Variants in ITGA2 observed in about 807,000 individuals in gnomAD.
The protein encoded by ITGA2 is integrin subunit alpha 2.
ITGA2 carries 101 observed loss-of-function variants against 146.3 expected under a neutral mutation model. The ratio of observed to expected loss-of-function variants is 0.69; its 90% CI spans 0.59 to 0.81. ITGA2 has a LOEUF of 0.81. ITGA2 is among the 40% of genes least tolerant of loss of function. The pLI is 0.00. For synonymous variants in ITGA2, 477 were observed against 487.1 expected (o/e 0.98, Z 0.27); for missense variants, 1,281 against 1,402.7 (o/e 0.91, Z 1.39).
Position 53,091,002 on chromosome 5 carries a change from AAC to A in ITGA2, c.*404_*405del. Reference sequence around the variant, plus strand: ...TTTAAAATATTTGTCTTTAAACAGCAACTACAGAAGTGGAAGTGCTTGATATG... The same window carrying A: ...TTTAAAATATTTGTCTTTAAACAGCATACAGAAGTGGAAGTGCTTGATATG... On this transcript the variant is annotated 3_prime_UTR_variant, in exon 30 of 30. Coordinates refer to ENST00000296585, the MANE Select transcript of ITGA2 (RefSeq NM_002203.4). 4.5e-6 allele frequency: 2 copies of A among 444,104 alleles called. No individual in the cohort carries two copies. Among genetic ancestry groups the A allele is most frequent in the South Asian group, 9.2e-5 (2 of 21,668 alleles). 27.5% of individuals were successfully genotyped at this position (444,104 alleles called of 1,614,324 possible). A position where few individuals can be genotyped will look rare whatever the true frequency, so the allele number is the denominator to read the frequency against.
intron 1 of ITGA2, among the ~76,000 whole-genome samples, chr5:52,991,171 C>A (rs1261966605): frequency 2.0e-5 from 3 of 152,082 alleles, no homozygotes; most frequent in Non-Finnish European, 2.9e-5. Context: ...AAGTTTTGTG[C>A]ATTTATTCCC....
chr5:53,041,480 G>A (rs930823639), intron 2 of ITGA2, among the ~76,000 whole-genome samples: 1 of 152,122 alleles, frequency 6.6e-6, no homozygotes, highest in East Asian at 1.9e-4. Context: ...CTCTAAATGA[G>A]TCAACATATG....
intron 1 of ITGA2, among the ~76,000 whole-genome samples, chr5:52,989,921 C>G (rs1740846502): frequency 6.6e-6 from 1 of 152,170 alleles, no homozygotes; most frequent in Non-Finnish European, 1.5e-5. Context: ...CCAACTTCCC[C>G]TGGCTCAGAC....
chr5:53,070,400 G>C, intron 17 of ITGA2, 140 bp downstream of exon 17: 1 of 755,330 alleles, frequency 1.3e-6, no homozygotes, highest in Non-Finnish European at 2.3e-6. Context: ...CCATAAATAA[G>C]AAGCATATTT....
intron 27 of ITGA2, among the ~76,000 whole-genome samples, chr5:53,084,679 T>A (rs946282347): frequency 8.3e-6 from 1 of 120,618 alleles, no homozygotes; most frequent in African/African-American, 3.6e-5. Flanking sequence ...CGTTAGTTGT[T>A]ATCACCTTCC....
intron 1 of ITGA2, among the ~76,000 whole-genome samples, chr5:53,021,428 C>A (rs543766557): frequency 6.6e-6 from 1 of 152,200 alleles, no homozygotes; most frequent in Non-Finnish European, 1.5e-5. Flanking sequence ...CTTACACACA[C>A]AGAGAGCCTA....
rs767213966 is a variant in ITGA2, at chr5:53,067,182, A to C, written c.2008A>C (p.Asn670His). The C allele has an allele frequency of 5.0e-6, 8 of 1,611,748 alleles. No individual in the cohort carries two copies. In the East Asian group the frequency reaches 1.8e-4, roughly 36 times the overall value. Residue 670 changes from asparagine to histidine, a missense_variant, in exon 16 of 30, where the codon AAC (asparagine) becomes CAC (histidine). Coordinates refer to ENST00000296585, the MANE Select transcript of ITGA2 (RefSeq NM_002203.4). ...SFTPEKITLV[N>H]KNAQIILKLC... is the part of the protein sequence containing the mutation. ...CACACCAGAAAAAATCACTTTGGTCAACAAGAATGCTCAGATAATTCTCAA... is the reference window on the plus strand; with the variant it reads ...CACACCAGAAAAAATCACTTTGGTCCACAAGAATGCTCAGATAATTCTCAA...
intron 1 of ITGA2, among the ~76,000 whole-genome samples, chr5:53,025,963 C>CA (rs1054981193): frequency 5.3e-5 from 8 of 151,582 alleles, no homozygotes; most frequent in South Asian, 2.1e-4. Context: ...TAAGAATTTT[C>CA]AAAAAAAATA....
At chr5:53,016,404 T>C (rs10036871) in intron 1 of ITGA2, among the ~76,000 whole-genome samples, 1,598 of 152,358 alleles carry the variant, frequency 0.01, 31 homozygotes, top group African/African-American at 0.036. Flanking sequence ...GAATTCTGAA[T>C]ATAGGCCTCA....
At chr5:53,016,324 A>G (rs1241655410) in intron 1 of ITGA2, among the ~76,000 whole-genome samples, 1 of 152,086 alleles carries the variant, frequency 6.6e-6, no homozygotes. Context: ...AAAAGATCTT[A>G]TTTCTCCTTC....
At chr5:53,074,919 T>G (rs1745589456) in intron 21 of ITGA2, 142 bp from the exon 22 acceptor site, 3 of 655,100 alleles carry the variant, frequency 4.6e-6, no homozygotes, top group Admixed American at 5.3e-5. Context: ...AATAAAGATA[T>G]TCCACAAATT....
At chr5:53,068,140 A>G (rs1411894538) in intron 16 of ITGA2, among the ~76,000 whole-genome samples, 1 of 151,990 alleles carries the variant, frequency 6.6e-6, no homozygotes, top group African/African-American at 2.4e-5. Flanking sequence ...TTAAAGCTGA[A>G]AATACAGAAG....
At chr5:53,000,292 T>A (rs998667609) in intron 1 of ITGA2, among the ~76,000 whole-genome samples, 3 of 152,208 alleles carry the variant, frequency 2.0e-5, no homozygotes, top group African/African-American at 7.2e-5. Flanking sequence ...AATATTTTTC[T>A]GCATCTATTG....
chr5:53,068,555 T>C (rs1038804292), intron 16 of ITGA2, among the ~76,000 whole-genome samples: 10 of 151,870 alleles, frequency 6.6e-5, no homozygotes, highest in African/African-American at 2.2e-4. Context: ...AATTCTACTT[T>C]CAGAGAATTT....
At chr5:53,088,722 T>C (rs1349487555) in intron 28 of ITGA2, among the ~76,000 whole-genome samples, 1 of 151,930 alleles carries the variant, frequency 6.6e-6, no homozygotes, top group Non-Finnish European at 1.5e-5. Context: ...GAAAGTACTT[T>C]TAATGGCAAA....
intron 17 of ITGA2, 137 bp downstream of exon 17, chr5:53,070,397 T>A: frequency 3.9e-6 from 3 of 761,626 alleles, no homozygotes; most frequent in Non-Finnish European, 6.7e-6. Flanking sequence ...ATTCCATAAA[T>A]AAGAAGCATA....
chr5:53,045,729 G>A (rs1337995452), intron 4 of ITGA2, among the ~76,000 whole-genome samples: 1 of 151,752 alleles, frequency 6.6e-6, no homozygotes, highest in Non-Finnish European at 1.5e-5. Context: ...TCTGAGTTTA[G>A]AGCTAATAGA....
intron 6 of ITGA2, among the ~76,000 whole-genome samples, chr5:53,049,670 T>C (rs1249878583): frequency 2.6e-5 from 4 of 152,162 alleles, no homozygotes; most frequent in Non-Finnish European, 5.9e-5. Flanking sequence ...AATAGTATTA[T>C]TTTAAAGTTC....
intron 1 of ITGA2, among the ~76,000 whole-genome samples, chr5:52,993,846 G>T (rs1010595926): frequency 6.6e-6 from 1 of 151,700 alleles, no homozygotes; most frequent in Admixed American, 6.6e-5. Context: ...TGCTCAGCTT[G>T]GGATATTAGT....
Sources: gnomAD v4.1 joint callset for allele counts (sites outside exome capture counted in the v4.1 genomes callset) on GRCh38, gnomAD v4.1.1 for gene constraint, MANE v1.5 for transcripts, NCBI Gene and HGNC (gene_info 2026-07-23, HGNC 2026-07-21) for gene names.